Variants in ZNF567 observed in about 807,000 individuals in gnomAD.
ZNF567 encodes the protein zinc finger protein 567.
A neutral mutation model predicts 53.9 loss-of-function variants in ZNF567; 36 were observed. The ratio of observed to expected loss-of-function variants is 0.67; its 90% CI spans 0.51 to 0.88. The LOEUF (loss-of-function observed/expected upper bound fraction) is 0.88. Among genes scored for constraint, ZNF567 ranks in the 40% least tolerant of loss-of-function variants. The pLI is 0.00. For missense variants in ZNF567, 619 were observed against 764.7 expected (o/e 0.81, Z 2.25); for synonymous variants, 224 against 260.4 (o/e 0.86, Z 1.35).
chr19:36,694,873 T>C lies in ZNF567; in HGVS notation c.6T>C (p.Ala2=). 1 of 1,522,050 alleles carries C rather than the reference T, an allele frequency of 6.6e-7. No homozygotes were observed. The highest frequency in any genetic ancestry group is 8.8e-7 in the Non-Finnish European group (1 of 1,142,092). The allele number at this position is 1,522,050 out of a possible 1,614,324, so 94.3% of individuals were successfully genotyped here. A position where few individuals can be genotyped will look rare whatever the true frequency, so the allele number is the denominator to read the frequency against. Residue 2 remains alanine, a synonymous_variant, in exon 3 of 6, where the codon GCT becomes GCC. Coordinates refer to ENST00000682579, the MANE Select transcript of ZNF567 (RefSeq NM_001322917.1). Reference sequence around the variant, plus strand: ...CTCTTTCATATCTCAAAACCATGGCTCAGGTAAGGCGATGGTTTCTCTCTC... The same window carrying C: ...CTCTTTCATATCTCAAAACCATGGCCCAGGTAAGGCGATGGTTTCTCTCTC... M[A]QGSVSFNDVT... is the part of the protein sequence containing the mutation.
rs1309147349 is a variant in ZNF567, at chr19:36,715,509, A to AATAATTATT, written c.223+2644_223+2645insAATTATTAT. Among the ~76,000 whole-genome samples the AATAATTATT allele has an allele frequency of 3.1e-3, 140 of 45,812 alleles. 1 individual carries two copies. The highest frequency in any genetic ancestry group is 8.9e-3 in the Admixed American group (39 of 4,406). 30.1% of individuals were successfully genotyped at this position (45,812 alleles called of 152,430 possible). ...TAATAATAATAATAATAATAATAAT[A>AATAATTATT]ATTATTATTATTATTATTATTATTA... is the stretch of plus-strand genomic sequence containing the variant. On this transcript the variant is annotated intron_variant, in intron 5 of 5. Transcript: ENST00000682579.
intron 5 of ZNF567, among the ~76,000 whole-genome samples, chr19:36,715,710 G>A (rs991423921): frequency 6.6e-6 from 1 of 150,876 alleles, no homozygotes; most frequent in Non-Finnish European, 1.5e-5. Context: ...TGTATTTTTA[G>A]TAGAGATGGG....
downstream of ZNF567, among the ~76,000 whole-genome samples, chr19:36,721,744 CTTTTTTTTT>C (rs5827963): frequency 6.9e-5 from 7 of 101,486 alleles, no homozygotes; most frequent in East Asian, 1.3e-3. Flanking sequence ...TTTTTTTTTT[CTTTTTTTTT>C]TTTTTTTTTG....
chr19:36,719,761 T>A lies in ZNF567; in HGVS notation c.1037T>A (p.Phe346Tyr). ...SYECLQCRNA[F>Y]RLKSHLIRHQ... Reference sequence around the variant, plus strand: ...GAATGTCTGCAATGTAGGAATGCCTTCAGATTGAAGTCACACCTCATTCGT... The same window carrying A: ...GAATGTCTGCAATGTAGGAATGCCTACAGATTGAAGTCACACCTCATTCGT... The change falls in exon 6 of 6, where the codon TTC becomes TAC. Residue 346 changes from phenylalanine (F) to tyrosine (Y), a missense_variant. Phe to Tyr is a conservative substitution (Grantham distance 22, BLOSUM62 3). Coordinates refer to ENST00000682579, the MANE Select transcript of ZNF567 (RefSeq NM_001322917.1). 1 of 1,614,074 alleles carries A rather than the reference T, an allele frequency of 6.2e-7. No homozygotes were observed. The highest frequency in any genetic ancestry group is 8.5e-7 in the Non-Finnish European group (1 of 1,180,004).
downstream of ZNF567, among the ~76,000 whole-genome samples, chr19:36,724,589 G>A (rs2040327748): frequency 6.6e-6 from 1 of 151,102 alleles, no homozygotes; most frequent in African/African-American, 2.4e-5. Context: ...GGCTGAAGCA[G>A]GAGAATTGTT....
At chr19:36,712,086 G>T in intron 3 of ZNF567, 1 of 246,314 alleles carries the variant, frequency 4.1e-6, no homozygotes, top group South Asian at 4.9e-5. Context: ...CTGCTCTGTC[G>T]CCCAGGCTGG....
At chr19:36,692,140 T>C (rs1397636654) in intron 2 of ZNF567, among the ~76,000 whole-genome samples, 1 of 152,230 alleles carries the variant, frequency 6.6e-6, no homozygotes, top group Non-Finnish European at 1.5e-5. Context: ...TTTTTGTAGA[T>C]ACATGTCTTT....
upstream of ZNF567, among the ~76,000 whole-genome samples, chr19:36,683,218 GCAC>G (rs959483115): frequency 6.6e-6 from 1 of 151,570 alleles, no homozygotes; most frequent in Non-Finnish European, 1.5e-5. Context: ...GACTACAGGT[GCAC>G]CACCACACCC....
At chr19:36,688,107 G>A (rs908735181) in intron 1 of ZNF567, among the ~76,000 whole-genome samples, 2 of 152,112 alleles carry the variant, frequency 1.3e-5, no homozygotes, top group Admixed American at 1.3e-4. Flanking sequence ...GATGCGAGTC[G>A]ATTTGTGTTT....
chr19:36,720,415 C>T lies in ZNF567; in HGVS notation c.1691C>T (p.Pro564Leu). The T allele has an allele frequency of 6.2e-7, 1 of 1,613,884 alleles. No individual in the cohort carries two copies. Among genetic ancestry groups the T allele is most frequent in the East Asian group, 2.2e-5 (1 of 44,844 alleles). Residue 564 changes from proline (P) to leucine (L), a missense_variant, in exon 6 of 6, where the codon CCT becomes CTT. Pro to Leu is a moderately conservative substitution (Grantham distance 98, BLOSUM62 -3). Transcript: ENST00000682579. The stretch of plus-strand genomic sequence containing the variant: ...ACCGGCCAGAAATCCTATGAATGTC[C>T]TCAGTGTGGGAAAGCCTTTAGCAGG... Reference protein sequence around the residue: ...IHTGQKSYECPQCGKAFSRKS... With the variant: ...IHTGQKSYECLQCGKAFSRKS...
At chr19:36,676,791 G>A in the ZNF567 span, among the ~76,000 whole-genome samples, 8 of 152,270 alleles carry the variant, frequency 5.3e-5, no homozygotes, top group South Asian at 1.7e-3. Flanking sequence ...GCCAAGGTTG[G>A]GGGATCGCTT....
At chr19:36,670,961 A>C in the ZNF567 span, among the ~76,000 whole-genome samples, 3 of 151,978 alleles carry the variant, frequency 2.0e-5, no homozygotes, top group African/African-American at 7.2e-5. Context: ...AATTAGCTGA[A>C]CATGGTGGCA....
At chr19:36,714,450 C>T in intron 5 of ZNF567, 1 of 398,466 alleles carries the variant, frequency 2.5e-6, no homozygotes, top group Non-Finnish European at 4.4e-6. Context: ...GCTTGAGCCA[C>T]TGCACCTGGC....
At chr19:36,722,079 G>T (rs541620004), downstream of ZNF567, among the ~76,000 whole-genome samples, 73 of 152,070 alleles carry the variant, frequency 4.8e-4, no homozygotes, top group African/African-American at 1.7e-3. Flanking sequence ...TATAAGAAAT[G>T]TAAGTCTCTG....
chr19:36,707,042 C>T (rs2039533370), intron 3 of ZNF567, among the ~76,000 whole-genome samples: 1 of 152,006 alleles, frequency 6.6e-6, no homozygotes, highest in Non-Finnish European at 1.5e-5. Context: ...CTTTTTTCCT[C>T]CAATCTGATA....
At chr19:36,724,265 CA>C (rs893293051), downstream of ZNF567, among the ~76,000 whole-genome samples, 1 of 151,884 alleles carries the variant, frequency 6.6e-6, no homozygotes. Flanking sequence ...CTCGGCCTCC[CA>C]AAGTGCTGGG....
downstream of ZNF567, among the ~76,000 whole-genome samples, chr19:36,725,947 C>A (rs2040333713): frequency 6.9e-6 from 1 of 145,356 alleles, no homozygotes; most frequent in Admixed American, 7.1e-5. Context: ...GTTACATTCT[C>A]ACAGTTCTTC....
downstream of ZNF567, chr19:36,721,440 T>A (rs1289827915): frequency 2.0e-5 from 3 of 152,166 alleles, no homozygotes; most frequent in Non-Finnish European, 4.4e-5. Context: ...TCATTCAGAC[T>A]GGAGAATTTC....
chr19:36,670,855 A>G, the ZNF567 span, among the ~76,000 whole-genome samples: 1 of 152,110 alleles, frequency 6.6e-6, no homozygotes, highest in Non-Finnish European at 1.5e-5. Flanking sequence ...TAATCCCAGC[A>G]CTTTGGGAGG....
Sources: gnomAD v4.1 joint callset for allele counts (sites outside exome capture counted in the v4.1 genomes callset) on GRCh38, gnomAD v4.1.1 for gene constraint, MANE v1.5 for transcripts, NCBI Gene and HGNC (gene_info 2026-07-23, HGNC 2026-07-21) for gene names.